Variants in GUCY2D observed in about 807,000 individuals in gnomAD.
GUCY2D encodes retinal guanylyl cyclase 1.
Under a neutral mutation model 101.3 loss-of-function variants are expected in GUCY2D, and 70 were observed. The observed-to-expected ratio is 0.69, with a 90% confidence interval of 0.57 to 0.84. The LOEUF is 0.84. Ranked by LOEUF, GUCY2D falls within the 40% of genes least tolerant of loss-of-function variation. The probability of loss-of-function intolerance (pLI) is 0.00; values close to 1 mark genes in which losing one functional copy is unlikely to be tolerated. For missense variants in GUCY2D, 1,460 were observed against 1,542.5 expected, an observed-to-expected ratio of 0.95 and a Z score of 0.90; for synonymous variants, 688 against 670.7, an observed-to-expected ratio of 1.03 and a Z score of -0.40.
At chr17:8,008,120 T>A (rs1200481730) in intron 7 of GUCY2D, 88 bp downstream of exon 7, 1 of 807,928 alleles carries the variant, frequency 1.2e-6, no homozygotes, top group Non-Finnish European at 2.1e-6. Flanking sequence ...CAGGAGGACA[T>A]GTAGTCATGT....
rs774564791 is a variant in GUCY2D, at chr17:8,012,289, C to T, written c.1895C>T (p.Ala632Val). The T allele has an allele frequency of 7.4e-6, 12 of 1,613,862 alleles. No homozygotes were observed. Among genetic ancestry groups the T allele is most frequent in the Non-Finnish European group, 1.0e-5 (12 of 1,179,978 alleles). The change falls in exon 9 of 20, where the codon GCT (alanine) becomes GTT (valine). Residue 632 changes from alanine (A) to valine (V), a missense_variant. Transcript: ENST00000254854. ...CGGGGCTCTCTTCAGGACCTCCTCGCTCAGAGAGAAATAAAGCTGGACTGG... is the reference window on the plus strand; with the variant it reads ...CGGGGCTCTCTTCAGGACCTCCTCGTTCAGAGAGAAATAAAGCTGGACTGG... Reference protein sequence around the residue: ...CTRGSLQDLLAQREIKLDWMF... With the variant: ...CTRGSLQDLLVQREIKLDWMF...
In GUCY2D at chr17:8,014,620, G is replaced by A. The variant is rs750247123; in HGVS notation, c.2432G>A (p.Gly811Asp). 1.2e-5 allele frequency: 19 copies of A among 1,614,014 alleles called. No homozygotes were observed. Among genetic ancestry groups the A allele is most frequent in the Non-Finnish European group, 1.4e-5 (16 of 1,180,020 alleles). Residue 811 changes from glycine to aspartate, a missense_variant, in exon 13 of 20, where the codon GGC (glycine) becomes GAC (aspartate). Coordinates refer to ENST00000254854, the MANE Select transcript of GUCY2D (RefSeq NM_000180.4). This position sits in a 1 kb window ranked among gnomAD's most constrained non-coding sequence, Gnocchi z 4.0. ...TGCTAGTTCAAGAACATCAACAAGGGCCGGAAGACGAACATCATTGACTCG... is the reference window on the plus strand; with the variant it reads ...TGCTAGTTCAAGAACATCAACAAGGACCGGAAGACGAACATCATTGACTCG... ...TFDLFKNINK[G>D]RKTNIIDSML...
At chr17:8,015,219 A>C (rs1975940810) in intron 14 of GUCY2D, 109 bp from the exon 15 acceptor site, 1 of 1,149,142 alleles carries the variant, frequency 8.7e-7, no homozygotes, top group South Asian at 1.3e-5. Context: ...TTCCACTAGC[A>C]ACCTGGTTCT....
chr17:8,003,061 C>T lies in GUCY2D; in HGVS notation c.14C>T (p.Ala5Val). MTAC[A>V]RRAGGLPDPG... The stretch of plus-strand genomic sequence containing the variant: ...CAGAAGCCGGCAATGACCGCCTGCG[C>T]CCGCCGAGCGGGTGGGCTTCCGGAC... Residue 5 changes from alanine to valine, a missense_variant, in exon 2 of 20, where the codon GCC becomes GTC. Transcript: ENST00000254854. 6.6e-7 allele frequency: 1 copy of T among 1,526,638 alleles called. No homozygotes were observed. Among genetic ancestry groups the T allele is most frequent in the African/African-American group, 1.4e-5 (1 of 71,440 alleles). 94.6% of individuals were successfully genotyped at this position (1,526,638 alleles called of 1,614,324 possible).
At position 8,015,398 on chromosome 17, in the gene GUCY2D, C is replaced by T. The variant is rs1268610857; in HGVS notation, c.2840C>T (p.Ala947Val). 1 of 1,613,364 alleles carries T rather than the reference C, an allele frequency of 6.2e-7. No homozygotes were observed. The highest frequency in any genetic ancestry group is 8.5e-7 in the Non-Finnish European group (1 of 1,179,920). The change falls in exon 15 of 20, where the codon GCA becomes GTA. Residue 947 changes from alanine (A) to valine (V), a missense_variant. Ala to Val is a moderately conservative substitution (Grantham distance 64). Around this residue, in one of 3 missense-constraint regions of GUCY2D, gnomAD observed 49 missense variants for 85.0 expected, o/e 0.58. Transcript: ENST00000254854. ...LPQRNGQRHA[A>V]EIANMSLDIL... ...CAGCGGAATGGGCAGCGACACGCGGCAGAGATCGCCAACATGTCACTGGAC... is the reference window on the plus strand; with the variant it reads ...CAGCGGAATGGGCAGCGACACGCGGTAGAGATCGCCAACATGTCACTGGAC...
rs1257323097 is a variant in GUCY2D at position 8,006,525 on chromosome 17, G to A, written c.1189G>A (p.Asp397Asn). ...VPGFCGDLGG[D>N]EEPPFVLLDT... ...TGGCTTCTGCGGGGACCTAGGAGGAGACGAGGAGCCCCCATTCGTGCTGCT... is the reference window on the plus strand; with the variant it reads ...TGGCTTCTGCGGGGACCTAGGAGGAAACGAGGAGCCCCCATTCGTGCTGCT... The change falls in exon 4 of 20, where the codon GAC (aspartate) becomes AAC (asparagine). Residue 397 changes from aspartate to asparagine, a missense_variant. Around this residue, in one of 3 missense-constraint regions of GUCY2D, gnomAD observed 1,196 missense variants for 1,229.6 expected, o/e 0.97. Coordinates refer to ENST00000254854, the MANE Select transcript of GUCY2D (RefSeq NM_000180.4). 1 of 1,611,242 alleles carries A rather than the reference G, an allele frequency of 6.2e-7. No individual in the cohort carries two copies. The highest frequency in any genetic ancestry group is 1.1e-5 in the South Asian group (1 of 91,090).
In GUCY2D at chr17:8,015,777, GC is replaced by G; in HGVS notation, c.2981del (p.Pro994ArgfsTer27). ...TGGCAGGCGTGGTGGGCCTCACCAT[GC>G]CGCGGTACTGCCTGTTTGGGGACAC... is the stretch of plus-strand genomic sequence containing the variant. The part of the protein sequence containing the change: ...CVAGVVGLTM[P>X]RYCLFGDTVN... On this transcript the variant is annotated frameshift_variant, in exon 16 of 20. Transcript: ENST00000254854. LOFTEE classifies it high-confidence loss of function. The G allele has an allele frequency of 6.2e-7, 1 of 1,612,104 alleles. No homozygotes were observed. Among genetic ancestry groups the G allele is most frequent in the Middle Eastern group, 1.7e-4 (1 of 6,060 alleles).
rs763099634 is a variant in GUCY2D at position 8,003,938 on chromosome 17, G to A, written c.808G>A (p.Asp270Asn). The change falls in exon 3 of 20, where the codon GAT becomes AAT. Residue 270 changes from aspartate (D) to asparagine (N), a missense_variant. This residue lies in a region of GUCY2D where 1,196 missense variants were observed against 1,229.6 expected (regional missense o/e 0.97). Coordinates refer to ENST00000254854, the MANE Select transcript of GUCY2D (RefSeq NM_000180.4). The stretch of plus-strand genomic sequence containing the variant: ...GGCCGCAGAGGAGCTGGGCCTGACC[G>A]ATGGCTCCCTGGTCTTCCTGCCCTT... ...LEAAEELGLT[D>N]GSLVFLPFDT... is the part of the protein sequence containing the mutation. The A allele has an allele frequency of 7.4e-6, 12 of 1,613,548 alleles. No individual in the cohort carries two copies. The highest frequency in any genetic ancestry group is 2.7e-5 in the African/African-American group (2 of 74,928).
rs1360004509 is a variant in GUCY2D, at chr17:8,016,016, C to T, written c.3133C>T (p.Leu1045=). The T allele has an allele frequency of 3.1e-6, 5 of 1,606,518 alleles. No homozygotes were observed. The highest frequency in any genetic ancestry group is 4.2e-6 in the Non-Finnish European group (5 of 1,177,014). ...GGTGGAGCTGCGAGGCCGCACGGAG[C>T]TGAAGGTGAGGCAGGGCCCCAACCC... ...YQVELRGRTE[L]KGKGAEDTFW... The change falls in exon 17 of 20, where the codon CTG becomes TTG. Residue 1045 remains leucine, a synonymous_variant. Coordinates refer to ENST00000254854, the MANE Select transcript of GUCY2D (RefSeq NM_000180.4).
In GUCY2D at chr17:8,006,368, C is replaced by T; in HGVS notation, c.1032C>T (p.Ser344=). 6.2e-7 allele frequency: 1 copy of T among 1,600,010 alleles called. No homozygotes were observed. The highest frequency in any genetic ancestry group is 8.5e-7 in the Non-Finnish European group (1 of 1,179,786). The change falls in exon 4 of 20, where the codon TCC becomes TCT. Residue 344 remains serine (S), a synonymous_variant. Transcript: ENST00000254854. ...LPSDLNLQQV[S]PLFGTIYDAV... Reference sequence around the variant, plus strand: ...CCCCTACTCTCCTTCTCCAGGTCTCCCCACTCTTTGGCACCATCTATGACG... The same window carrying T: ...CCCCTACTCTCCTTCTCCAGGTCTCTCCACTCTTTGGCACCATCTATGACG...
chr17:8,009,239 C>G (rs1180759677), intron 7 of GUCY2D, among the ~76,000 whole-genome samples: 1 of 152,182 alleles, frequency 6.6e-6, no homozygotes, highest in Non-Finnish European at 1.5e-5. Context: ...TATTAATGCA[C>G]TTAATAGGAC....
rs1975899828 is a variant in GUCY2D, at chr17:8,013,584, G to A, written c.2264-296G>A. On this transcript the variant is annotated intron_variant, in intron 11 of 19. Transcript: ENST00000254854. The surrounding 1 kb of genome is among the most constrained non-coding windows in gnomAD (Gnocchi z 5.0). Reference sequence around the variant, plus strand: ...GGAGTGGGTGCATCCCTTCTGCACAGGACTCTGAGCAAACTACTTGATCAC... The same window carrying A: ...GGAGTGGGTGCATCCCTTCTGCACAAGACTCTGAGCAAACTACTTGATCAC... 3 of 577,238 alleles carry A rather than the reference G, an allele frequency of 5.2e-6. No homozygotes were observed. The East Asian group carries it at 8.7e-5, about 17-fold the overall frequency. 35.8% of individuals were successfully genotyped at this position (577,238 alleles called of 1,614,324 possible).
chr17:8,015,006 C>G lies in GUCY2D; in HGVS notation c.2724C>G (p.Leu908=), dbSNP rs1359312753. The G allele has an allele frequency of 6.2e-7, 1 of 1,614,100 alleles. No individual in the cohort carries two copies. Among genetic ancestry groups the G allele is most frequent in the Non-Finnish European group, 8.5e-7 (1 of 1,180,000 alleles). Reference sequence around the variant, plus strand: ...AGGTTGTGGACCTGCTCAACGATCTCTACACACTCTTTGATGCCATCATTG... The same window carrying G: ...AGGTTGTGGACCTGCTCAACGATCTGTACACACTCTTTGATGCCATCATTG... ...PIEVVDLLND[L]YTLFDAIIGS... Residue 908 remains leucine (L), a synonymous_variant, in exon 14 of 20, where the codon CTC becomes CTG. Transcript: ENST00000254854.
rs1366852107 is a variant in GUCY2D at position 8,014,815 on chromosome 17, A to C, written c.2577-44A>C. The C allele has an allele frequency of 6.2e-7, 1 of 1,610,714 alleles. No homozygotes were observed. Among genetic ancestry groups the C allele is most frequent in the Non-Finnish European group, 8.5e-7 (1 of 1,177,002 alleles). On this transcript the variant is annotated intron_variant, in intron 13 of 19. Coordinates refer to ENST00000254854, the MANE Select transcript of GUCY2D (RefSeq NM_000180.4). This position sits in a 1 kb window ranked among gnomAD's most constrained non-coding sequence, Gnocchi z 4.0. ...CTGGGAGGGCAGCTGGAGCCCAGCC[A>C]GGTAGAGTGGCCCCCAGGTGACCTC...
chr17:8,006,821 T>C, intron 4 of GUCY2D, 107 bp downstream of exon 4: 1 of 1,051,956 alleles, frequency 9.5e-7, no homozygotes, highest in Non-Finnish European at 1.4e-6. Flanking sequence ...GATGCCCTTC[T>C]AGGCCCTCTC....
chr17:8,019,779 C>G (rs1387309056), intron 19 of GUCY2D, among the ~76,000 whole-genome samples: 1 of 152,240 alleles, frequency 6.6e-6, no homozygotes, highest in African/African-American at 2.4e-5. Context: ...TTCCTGGACC[C>G]AGTCGGTTAT....
chr17:8,016,764 C>A (rs978836497), intron 19 of GUCY2D: 2 of 564,860 alleles, frequency 3.5e-6, no homozygotes, highest in Admixed American at 6.2e-5. Context: ...GCTTAGGAAA[C>A]TCCGTAATCG....
chr17:8,004,796 T>C (rs1975708521), intron 3 of GUCY2D, among the ~76,000 whole-genome samples: 2 of 152,088 alleles, frequency 1.3e-5, no homozygotes, highest in African/African-American at 2.4e-5. Context: ...GGGCAGTGAA[T>C]TAACCACCAC....
chr17:8,002,945 G>GGTT lies in GUCY2D; in HGVS notation c.-9-93_-9-91dup. 1 of 953,718 alleles carries GGTT rather than the reference G, an allele frequency of 1.0e-6. No individual in the cohort carries two copies. Among genetic ancestry groups the GGTT allele is most frequent in the Non-Finnish European group, 1.5e-6 (1 of 647,624 alleles). 59.1% of individuals were successfully genotyped at this position (953,718 alleles called of 1,614,324 possible). On this transcript the variant is annotated intron_variant, in intron 1 of 19. Transcript: ENST00000254854. The surrounding 1 kb of genome is among the most constrained non-coding windows in gnomAD (Gnocchi z 4.9). ...GCGGTAGCAGCAGAATCATCCCATGGGTTACTCGGGCTTGGAGAAACTCGG... is the reference window on the plus strand; with the variant it reads ...GCGGTAGCAGCAGAATCATCCCATGGGTTGTTACTCGGGCTTGGAGAAACTCGG...
Sources: gnomAD v4.1 joint callset for allele counts (sites outside exome capture counted in the v4.1 genomes callset) on GRCh38, gnomAD v4.1.1 for gene constraint, gnomAD v4.1.1 regional missense constraint, Gnocchi (gnomAD v3.1) non-coding constraint, MANE v1.5 for transcripts, NCBI Gene and HGNC (gene_info 2026-07-23, HGNC 2026-07-21) for gene names.